Variants in ZNF415 observed in about 807,000 individuals in gnomAD.
The protein encoded by ZNF415 is zinc finger protein 415.
In ZNF415, 5 loss-of-function variants were observed where a neutral mutation model predicts 7.3. The observed-to-expected ratio is 0.69, with a 90% CI of 0.36 to 1.44. ZNF415 has a LOEUF of 1.44. Among genes scored for constraint, ZNF415 ranks in the 40% most tolerant of loss-of-function variants. ZNF415 has a pLI of 0.04. For missense variants in ZNF415, 628 were observed against 664.8 expected (o/e 0.94, Z 0.61); for synonymous variants, 207 against 226.3 (o/e 0.91, Z 0.77).
At position 53,108,343 on chromosome 19, in the gene ZNF415, C is replaced by T; in HGVS notation, c.*34G>A. 1.3e-6 allele frequency: 2 copies of T among 1,547,064 alleles called. No individual in the cohort carries two copies. The highest frequency in any genetic ancestry group is 1.4e-5 in the African/African-American group (1 of 72,522). The stretch of plus-strand genomic sequence containing the variant: ...CTGATATAAATTCTTTGATGACTCA[C>T]AGGATTTAAACTTTGACTGAAGACC... On this transcript the variant is annotated 3_prime_UTR_variant, in exon 4 of 4. Coordinates refer to ENST00000243643, the MANE Select transcript of ZNF415 (RefSeq NM_018355.4).
intron 3 of ZNF415, chr19:53,115,477 T>G: frequency 1.8e-6 from 1 of 559,080 alleles, no homozygotes; most frequent in Non-Finnish European, 3.2e-6. Flanking sequence ...TCCATCATGA[T>G]GAGCACTTCC....
At chr19:53,119,198 C>T (rs2087563345) in intron 2 of ZNF415, among the ~76,000 whole-genome samples, 1 of 151,872 alleles carries the variant, frequency 6.6e-6, no homozygotes. Flanking sequence ...AGGAGAATGG[C>T]ATGAACCCAG....
At position 53,107,915 on chromosome 19, in the gene ZNF415, T is replaced by C. The variant is rs1300825520; in HGVS notation, c.*462A>G. 1 of 159,244 alleles carries C rather than the reference T, an allele frequency of 6.3e-6. No individual in the cohort carries two copies. Among genetic ancestry groups the C allele is most frequent in the African/African-American group, 2.4e-5 (1 of 41,578 alleles). 9.9% of individuals were successfully genotyped at this position (159,244 alleles called of 1,614,324 possible). A position where few individuals can be genotyped will look rare whatever the true frequency, so the allele number is the denominator to read the frequency against. On this transcript the variant is annotated 3_prime_UTR_variant, in exon 4 of 4. Coordinates refer to ENST00000243643, the MANE Select transcript of ZNF415 (RefSeq NM_018355.4). ...ATCCTGCAACCTTTAATATATATCA[T>C]GTTGTGTGAGTTTTAACATATTTGG...
intron 2 of ZNF415, among the ~76,000 whole-genome samples, 180 bp from the exon 3 acceptor site, chr19:53,116,613 C>T (rs66667460): frequency 0.066 from 2,827 of 43,076 alleles, 101 homozygotes; most frequent in African/African-American, 0.19. Flanking sequence ...TTTTTTCTCT[C>T]TTTTTTTTTT....
intron 3 of ZNF415, among the ~76,000 whole-genome samples, chr19:53,114,041 T>C (rs2086640797): frequency 1.3e-5 from 2 of 152,094 alleles, no homozygotes; most frequent in South Asian, 4.1e-4. Context: ...ATTAAAGAGT[T>C]TTCCCTCATA....
chr19:53,114,404 G>A (rs2086691818), intron 3 of ZNF415, among the ~76,000 whole-genome samples: 1 of 152,114 alleles, frequency 6.6e-6, no homozygotes, highest in South Asian at 2.1e-4. Flanking sequence ...CTGACCTCAG[G>A]TGATCCGCCC....
At chr19:53,124,411 A>AGAGAGAGAGG (rs1356374022) in intron 1 of ZNF415, 2 of 152,016 alleles carry the variant, frequency 1.3e-5, no homozygotes, top group African/African-American at 4.8e-5. Context: ...AGAGAGAGAG[A>AGAGAGAGAGG]GAGGTCAGGC....
intron 1 of ZNF415, among the ~76,000 whole-genome samples, chr19:53,127,738 G>A (rs1192886054): frequency 6.6e-6 from 1 of 151,996 alleles, no homozygotes; most frequent in East Asian, 1.9e-4. Flanking sequence ...TTAGCTGGGT[G>A]TGGTGGCGCG....
At chr19:53,117,768 G>A (rs1347520240) in intron 2 of ZNF415, among the ~76,000 whole-genome samples, 1 of 152,042 alleles carries the variant, frequency 6.6e-6, no homozygotes, top group Admixed American at 6.6e-5. Flanking sequence ...GACAATATTG[G>A]CCGTCATGAA....
intron 2 of ZNF415, 36 bp from the exon 3 acceptor site, chr19:53,116,469 G>A (rs1211619484): frequency 6.2e-7 from 1 of 1,613,018 alleles, no homozygotes; most frequent in Admixed American, 1.7e-5. Flanking sequence ...TCACCAAGAG[G>A]TTATGAAGGG....
chr19:53,115,861 G>A, intron 3 of ZNF415: 1 of 1,422,588 alleles, frequency 7.0e-7, no homozygotes. Flanking sequence ...AACATGATGT[G>A]CTGTGGCTTT....
chr19:53,130,214 A>T (rs1333084334), intron 1 of ZNF415, among the ~76,000 whole-genome samples: 2 of 152,246 alleles, frequency 1.3e-5, no homozygotes, highest in African/African-American at 4.8e-5. Context: ...AAAAGAAGAA[A>T]ATTGAATAAT....
Position 53,108,734 on chromosome 19 carries a change from C to A in ZNF415, c.1311G>T (p.Glu437Asp), listed in dbSNP as rs1160344416. Reference protein sequence around the residue: ...LASHRRVHTGEKPYKCNECGK... With the variant: ...LASHRRVHTGDKPYKCNECGK... ...CACACTCATTACACTTGTAAGGTTTCTCTCCAGTATGAACTCTCCGATGAC... is the reference window on the plus strand; with the variant it reads ...CACACTCATTACACTTGTAAGGTTTATCTCCAGTATGAACTCTCCGATGAC... The change falls in exon 4 of 4, where the codon GAG (glutamate) becomes GAT (aspartate). Residue 437 changes from glutamate to aspartate, a missense_variant. Glu to Asp is a conservative substitution (Grantham distance 45). Transcript: ENST00000243643. 7.4e-6 allele frequency: 12 copies of A among 1,614,196 alleles called. No individual in the cohort carries two copies. Among genetic ancestry groups the A allele is most frequent in the Non-Finnish European group, 1.0e-5 (12 of 1,180,016 alleles).
intron 2 of ZNF415, among the ~76,000 whole-genome samples, chr19:53,121,576 C>T (rs994933878): frequency 2.6e-5 from 4 of 151,656 alleles, no homozygotes; most frequent in Non-Finnish European, 4.4e-5. Context: ...TACAGGCGTG[C>T]GCCACCACGC....
At chr19:53,120,172 C>T (rs924218939) in intron 2 of ZNF415, among the ~76,000 whole-genome samples, 3 of 152,130 alleles carry the variant, frequency 2.0e-5, no homozygotes, top group South Asian at 2.1e-4. Context: ...ATTCCCAACA[C>T]ATAAAAATGA....
chr19:53,125,125 C>T lies in ZNF415; in HGVS notation c.-67-2382G>A, dbSNP rs1157385653. 7.2e-5 allele frequency among the ~76,000 whole-genome samples: 11 copies of T among 151,948 alleles called. 1 individual carries two copies. The highest frequency in any genetic ancestry group is 2.7e-4 in the African/African-American group (11 of 41,290). On this transcript the variant is annotated intron_variant, in intron 1 of 3. Transcript: ENST00000243643. ...GTGGCGTGATCTCGGCTCACTGCAA[C>T]CTCCGCCTCCCGGGTTCAAGTGATT...
chr19:53,108,754 G>A lies in ZNF415; in HGVS notation c.1291C>T (p.Arg431Trp), dbSNP rs777629950. The change falls in exon 4 of 4, where the codon CGG (arginine) becomes TGG (tryptophan). Residue 431 changes from arginine to tryptophan, a missense_variant. Coordinates refer to ENST00000243643, the MANE Select transcript of ZNF415 (RefSeq NM_018355.4). ...GGTTTCTCTCCAGTATGAACTCTCC[G>A]ATGACTCGCAAGGTGTGAATTGTAA... The part of the protein sequence containing the change: ...FSYNSHLASH[R>W]RVHTGEKPYK... 5 of 1,614,010 alleles carry A rather than the reference G, an allele frequency of 3.1e-6. No individual in the cohort carries two copies. Among genetic ancestry groups the A allele is most frequent in the Non-Finnish European group, 4.2e-6 (5 of 1,180,002 alleles).
At chr19:53,115,588 C>T (rs192194385) in intron 3 of ZNF415, 337 of 784,410 alleles carry the variant, frequency 4.3e-4, no homozygotes, top group Non-Finnish European at 6.3e-4. Context: ...TTAAAATTTC[C>T]TCTAAGAGCT....
At chr19:53,131,918 C>T (rs1454600781) in intron 1 of ZNF415, among the ~76,000 whole-genome samples, 1 of 151,958 alleles carries the variant, frequency 6.6e-6, no homozygotes, top group East Asian at 1.9e-4. Flanking sequence ...TTGTCATCGG[C>T]TGCCCCCTCT....
Sources: gnomAD v4.1 joint callset for allele counts (sites outside exome capture counted in the v4.1 genomes callset) on GRCh38, gnomAD v4.1.1 for gene constraint, MANE v1.5 for transcripts, NCBI Gene and HGNC (gene_info 2026-07-23, HGNC 2026-07-21) for gene names.